TMEM94: variants seen among roughly 807,000 people sequenced by gnomAD.
TMEM94 encodes the protein transmembrane protein 94, also known as ER Mg2+ ATPase.
A neutral mutation model predicts 158.6 loss-of-function variants in TMEM94; 81 were observed. The ratio of observed to expected loss-of-function variants is 0.51; its 90% confidence interval spans 0.43 to 0.61. TMEM94 has a LOEUF of 0.61. TMEM94 is among the 20% of genes least tolerant of loss of function. TMEM94 has a pLI of 0.00. For synonymous variants in TMEM94, 751 were observed against 730.7 expected, an observed-to-expected ratio of 1.03 and a Z score of -0.45; for missense variants, 1,435 against 1,762.0, an observed-to-expected ratio of 0.81 and a Z score of 3.32.
At position 75,490,326 on chromosome 17, in the gene TMEM94, G is replaced by A. The variant is rs971134410; in HGVS notation, c.1047G>A (p.Met349Ile). The change falls in exon 10 of 32, where the codon ATG becomes ATA. Residue 349 changes from methionine to isoleucine, a missense_variant. Physicochemically the swap from Met to Ile is conservative, Grantham distance 10. Coordinates refer to ENST00000314256, the MANE Select transcript of TMEM94 (RefSeq NM_014738.6). ...GAGAGGCCCGTGTCCTGGCCCAGATGAGCAAGGCCTCACCCAGCTCCCTGG... is the reference window on the plus strand; with the variant it reads ...GAGAGGCCCGTGTCCTGGCCCAGATAAGCAAGGCCTCACCCAGCTCCCTGG... ...ACGEARVLAQMSKASPSSLLA... is the reference protein window; with the variant it reads ...ACGEARVLAQISKASPSSLLA... The A allele has an allele frequency of 1.2e-6, 2 of 1,613,944 alleles. No individual in the cohort carries two copies. The highest frequency in any genetic ancestry group is 1.7e-4 in the Middle Eastern group (1 of 6,060).
Position 75,496,376 on chromosome 17 carries a change from T to TC in TMEM94, c.3149dup (p.Pro1051SerfsTer41). On this transcript the variant is annotated frameshift_variant, in exon 24 of 32. Transcript: ENST00000314256. LOFTEE classifies it high-confidence loss of function. ...CATGGCCCAGGCCTCGGATGGCCTT[T>TC]CTCCCCTGCAGCTGTCAGGGCAGCT... is the stretch of plus-strand genomic sequence containing the variant. 6.2e-7 allele frequency: 1 copy of TC among 1,614,030 alleles called. No individual in the cohort carries two copies. Among genetic ancestry groups the TC allele is most frequent in the Non-Finnish European group, 8.5e-7 (1 of 1,180,036 alleles).
Position 75,493,119 on chromosome 17 carries a change from T to C in TMEM94, c.2086+17T>C, listed in dbSNP as rs774249111. On this transcript the variant is annotated intron_variant, in intron 16 of 31. Coordinates refer to ENST00000314256, the MANE Select transcript of TMEM94 (RefSeq NM_014738.6). Reference sequence around the variant, plus strand: ...CCACCACCAGTGAGCCCTGGCTACGTTGGCCAGCACCAGGCGAGACCTTCC... The same window carrying C: ...CCACCACCAGTGAGCCCTGGCTACGCTGGCCAGCACCAGGCGAGACCTTCC... 53 of 1,610,736 alleles carry C rather than the reference T, an allele frequency of 3.3e-5. No individual in the cohort carries two copies. In the East Asian group the frequency reaches 1.0e-3, roughly 32 times the overall value.
Position 75,467,722 on chromosome 17 carries a change from C to T in TMEM94, c.-106-4078C>T, listed in dbSNP as rs1011820352. Among the ~76,000 whole-genome samples, 4 of 150,810 alleles carry T rather than the reference C, an allele frequency of 2.7e-5. No individual in the cohort carries two copies. In the South Asian group the frequency reaches 6.3e-4, roughly 24 times the overall value. On this transcript the variant is annotated intron_variant, in intron 1 of 31. Transcript: ENST00000314256. ...TAATTTTTTGTATTTTTAGTAGAGA[C>T]GGGGTTTCACCTTGTTAGCCAGGAT...
chr17:75,473,445 C>T (rs997415891), intron 2 of TMEM94, among the ~76,000 whole-genome samples: 3 of 152,182 alleles, frequency 2.0e-5, no homozygotes, highest in South Asian at 2.1e-4. Context: ...TTATGCAATG[C>T]GGTGGCCTGC....
intron 24 of TMEM94, 87 bp downstream of exon 24, chr17:75,496,558 G>A (rs1010715764): frequency 6.7e-6 from 10 of 1,483,844 alleles, no homozygotes; most frequent in Admixed American, 5.3e-5. Context: ...GTTTGAACCC[G>A]GGGACCTCAT....
In TMEM94 at chr17:75,494,720, G is replaced by A. The variant is rs926123985; in HGVS notation, c.2501G>A (p.Arg834Gln). The A allele has an allele frequency of 3.7e-6, 6 of 1,613,596 alleles. No homozygotes were observed. Among genetic ancestry groups the A allele is most frequent in the Middle Eastern group, 1.6e-4 (1 of 6,084 alleles). The change falls in exon 19 of 32, where the codon CGG becomes CAG. Residue 834 changes from arginine to glutamine, a missense_variant. Physicochemically the swap from Arg to Gln is conservative, Grantham distance 43. Coordinates refer to ENST00000314256, the MANE Select transcript of TMEM94 (RefSeq NM_014738.6). ...ATGGTGTCCTCCCAGTACCAGGCCC[G>A]GCTGGACATCGTGCGCCTCATTGAT... ...MGMVSSQYQARLDIVRLIDGL... is the reference protein window; with the variant it reads ...MGMVSSQYQAQLDIVRLIDGL...
Position 75,493,774 on chromosome 17 carries a change from C to CTGCGT in TMEM94, c.2269_2270insTTGCG (p.Ala757ValfsTer64). ...CTGCCTTCGCCTACAAGCCCATGAA[C>CTGCGT]TGCGCCCTGTCCTCTCAGCTCAATG... is the stretch of plus-strand genomic sequence containing the variant. On this transcript the variant is annotated frameshift_variant, in exon 18 of 32. Transcript: ENST00000314256. LOFTEE classifies it high-confidence loss of function. 6.2e-7 allele frequency: 1 copy of CTGCGT among 1,614,128 alleles called. No homozygotes were observed. Among genetic ancestry groups the CTGCGT allele is most frequent in the Non-Finnish European group, 8.5e-7 (1 of 1,180,048 alleles).
At chr17:75,477,219 T>G (rs2050743734) in intron 2 of TMEM94, among the ~76,000 whole-genome samples, 1 of 152,010 alleles carries the variant, frequency 6.6e-6, no homozygotes, top group Non-Finnish European at 1.5e-5. Context: ...AGTACTAAGG[T>G]CAGCATGAGC....
rs770856388 is a variant in TMEM94, at chr17:75,495,274, G to A, written c.2729-10G>A. The A allele has an allele frequency of 3.4e-5, 54 of 1,588,514 alleles. No homozygotes were observed. In the Middle Eastern group the frequency reaches 5.0e-4, roughly 15 times the overall value. On this transcript the variant is annotated splice_polypyrimidine_tract_variant and intron_variant, in intron 20 of 31. Transcript: ENST00000314256. The surrounding 1 kb of genome is among the most constrained non-coding windows in gnomAD (Gnocchi z 5.6). ...GTCCCAAGGTGAGGGAGAGGCTTTT[G>A]TCCCCACAGTGTCCCGAGATGATGC...
Position 75,462,182 on chromosome 17 carries a change from T to A in TMEM94, c.-107+5431T>A, listed in dbSNP as rs543439391. 4.3e-4 allele frequency among the ~76,000 whole-genome samples: 65 copies of A among 151,436 alleles called. 1 individual carries two copies. The highest frequency in any genetic ancestry group is 1.5e-3 in the African/African-American group (64 of 41,364). On this transcript the variant is annotated intron_variant, in intron 1 of 31. Transcript: ENST00000314256. ...CCCACCAGCACTCTCAGCTAATTTT[T>A]TTGTATTTTTAGTAGAGACAGGGTT...
chr17:75,480,965 GGGAAGAC>G (rs2146431353), intron 2 of TMEM94, among the ~76,000 whole-genome samples: 1 of 152,300 alleles, frequency 6.6e-6, no homozygotes, highest in Non-Finnish European at 1.5e-5. Context: ...TGAGCCTGAG[GGGAAGAC>G]ACTGGAGGCC....
chr17:75,494,574 G>A, intron 18 of TMEM94, 53 bp from the exon 19 acceptor site: 1 of 1,585,198 alleles, frequency 6.3e-7, no homozygotes, highest in Non-Finnish European at 8.6e-7. Context: ...TGTGGCCCTG[G>A]GCTGGTTCCT....
intron 1 of TMEM94, 25 bp from the exon 2 acceptor site, chr17:75,471,775 T>C (rs746174954): frequency 3.5e-6 from 3 of 863,444 alleles, no homozygotes; most frequent in African/African-American, 3.4e-5. Flanking sequence ...GCAACCTGAG[T>C]GATTTCTTTC....
intron 4 of TMEM94, 98 bp downstream of exon 4, chr17:75,486,096 C>T: frequency 6.8e-7 from 1 of 1,467,806 alleles, no homozygotes; most frequent in Non-Finnish European, 9.1e-7. Context: ...CTGTCACCCC[C>T]AAGCTGCTCC....
Position 75,471,781 on chromosome 17 carries a change from C to A in TMEM94, c.-106-19C>A. On this transcript the variant is annotated intron_variant, in intron 1 of 31. Transcript: ENST00000314256. ...CCTGTTCCAGCAACCTGAGTGATTTCTTTCTTCTTTTTCCCCAGATGTTGT... is the reference window on the plus strand; with the variant it reads ...CCTGTTCCAGCAACCTGAGTGATTTATTTCTTCTTTTTCCCCAGATGTTGT... 1.1e-6 allele frequency: 1 copy of A among 930,908 alleles called. No homozygotes were observed. Among genetic ancestry groups the A allele is most frequent in the Non-Finnish European group, 1.7e-6 (1 of 588,340 alleles). 57.7% of individuals were successfully genotyped at this position (930,908 alleles called of 1,614,324 possible).
chr17:75,486,553 C>T (rs1160601735), intron 5 of TMEM94, 127 bp downstream of exon 5: 1 of 1,177,632 alleles, frequency 8.5e-7, no homozygotes, highest in Non-Finnish European at 1.2e-6. Flanking sequence ...CTCTTGTCAT[C>T]TGGGGAGTTA....
intron 1 of TMEM94, among the ~76,000 whole-genome samples, chr17:75,464,669 TTCC>T (rs2050234500): frequency 8.5e-6 from 1 of 117,660 alleles, no homozygotes; most frequent in African/African-American, 3.1e-5. Flanking sequence ...CCTTCCTTCC[TTCC>T]TTCCTTCTTT....
At chr17:75,474,849 C>T (rs890537798) in intron 2 of TMEM94, among the ~76,000 whole-genome samples, 4 of 152,116 alleles carry the variant, frequency 2.6e-5, no homozygotes, top group Admixed American at 6.6e-5. Context: ...CCCCTGTCCC[C>T]GGTCCTCCAG....
Position 75,496,081 on chromosome 17 carries a change from GC to G in TMEM94, c.3053+8del. 1.2e-6 allele frequency: 2 copies of G among 1,604,288 alleles called. No homozygotes were observed. Among genetic ancestry groups the G allele is most frequent in the South Asian group, 2.2e-5 (2 of 89,982 alleles). ...TCCTCCAGAGCGACATCAGGTCAGG[GC>G]GGGACCCTGGAGCCTGCGGGCCAGC... On this transcript the variant is annotated splice_region_variant and intron_variant, in intron 23 of 31. Transcript: ENST00000314256.
Sources: gnomAD v4.1 joint callset for allele counts (sites outside exome capture counted in the v4.1 genomes callset) on GRCh38, gnomAD v4.1.1 for gene constraint, Gnocchi (gnomAD v3.1) non-coding constraint, MANE v1.5 for transcripts, NCBI Gene and HGNC (gene_info 2026-07-23, HGNC 2026-07-21) for gene names.